Variants in TEX10 observed in about 807,000 individuals in gnomAD.
TEX10 encodes the protein testis-expressed protein 10.
In TEX10, 24 loss-of-function variants were observed where a neutral mutation model predicts 104.4. The ratio of observed to expected loss-of-function variants is 0.23; its 90% CI spans 0.17 to 0.32. The LOEUF (loss-of-function observed/expected upper bound fraction) is 0.32. Ranked by LOEUF, TEX10 falls within the 10% of genes least tolerant of loss-of-function variation. The pLI, the probability that TEX10 is intolerant of heterozygous loss-of-function variation, is 1.00. For missense variants in TEX10, 921 were observed against 1,083.9 expected (o/e 0.85, Z 2.11); for synonymous variants, 396 against 393.4 (o/e 1.01, Z -0.08).
chr9:100,313,341 CCT>C lies in TEX10; in HGVS notation c.2203-2964_2203-2963del, dbSNP rs1476235872. Among the ~76,000 whole-genome samples, 9 of 151,440 alleles carry C rather than the reference CCT, an allele frequency of 5.9e-5. No individual in the cohort carries two copies. In the South Asian group the frequency reaches 1.9e-3, roughly 32 times the overall value. The stretch of plus-strand genomic sequence containing the variant: ...ACCAGCCTGGTCAACATGGTGAAAC[CCT>C]GTCTCTACTAAATATACAAAAATTA... On this transcript the variant is annotated intron_variant, in intron 11 of 14. Transcript: ENST00000374902.
intron 5 of TEX10, among the ~76,000 whole-genome samples, chr9:100,337,552 AT>A (rs1835042540): frequency 6.6e-6 from 1 of 152,222 alleles, no homozygotes; most frequent in African/African-American, 2.4e-5. Context: ...ATCTTGCTCA[AT>A]AAAGTGTCTC....
At chr9:100,333,378 C>A (rs1834919570) in intron 5 of TEX10, among the ~76,000 whole-genome samples, 1 of 152,170 alleles carries the variant, frequency 6.6e-6, no homozygotes, top group South Asian at 2.1e-4. Flanking sequence ...AGGAATAATT[C>A]TTCCTAAACT....
chr9:100,347,170 A>C lies in TEX10; in HGVS notation c.417T>G (p.Pro139=). 1 of 1,614,120 alleles carries C rather than the reference A, an allele frequency of 6.2e-7. No individual in the cohort carries two copies. Among genetic ancestry groups the C allele is most frequent in the African/African-American group, 1.3e-5 (1 of 75,054 alleles). Residue 139 remains proline, a synonymous_variant, in exon 3 of 15, where the codon CCT becomes CCG. Transcript: ENST00000374902. ...CACTAGAGAGATGGGCACTTACCAAAGGAAAAAATGGAGAAATTTGTTCAG... is the reference window on the plus strand; with the variant it reads ...CACTAGAGAGATGGGCACTTACCAACGGAAAAAATGGAGAAATTTGTTCAG... ...IRAEQISPFF[P]LVSAHLSSAM...
At chr9:100,330,327 G>A (rs548874143) in intron 5 of TEX10, among the ~76,000 whole-genome samples, 158 bp from the exon 6 acceptor site, 4 of 152,326 alleles carry the variant, frequency 2.6e-5, no homozygotes, top group Admixed American at 2.6e-4. Flanking sequence ...TTAGGCCACA[G>A]TTCTATAAAT....
chr9:100,330,812 ATG>A (rs1471492690), intron 5 of TEX10, among the ~76,000 whole-genome samples: 4 of 152,234 alleles, frequency 2.6e-5, no homozygotes, highest in African/African-American at 9.6e-5. Flanking sequence ...TATTTCTTTC[ATG>A]TTTAGAAAAA....
At chr9:100,332,126 G>A (rs1243462450) in intron 5 of TEX10, among the ~76,000 whole-genome samples, 1 of 152,222 alleles carries the variant, frequency 6.6e-6, no homozygotes, top group African/African-American at 2.4e-5. Context: ...GACACTGGAA[G>A]AAGTCTGAGC....
intron 11 of TEX10, among the ~76,000 whole-genome samples, chr9:100,318,730 G>C (rs376021475): frequency 6.6e-6 from 1 of 152,174 alleles, no homozygotes; most frequent in South Asian, 2.1e-4. Context: ...AGACAATTTT[G>C]CCTATTAGGG....
At chr9:100,317,392 A>G (rs1834447831) in intron 11 of TEX10, among the ~76,000 whole-genome samples, 1 of 152,190 alleles carries the variant, frequency 6.6e-6, no homozygotes, top group Admixed American at 6.5e-5. Context: ...ACTACACTGG[A>G]GATAGGACAA....
intron 10 of TEX10, among the ~76,000 whole-genome samples, chr9:100,320,599 A>G (rs908418868): frequency 2.6e-5 from 4 of 152,248 alleles, no homozygotes; most frequent in Non-Finnish European, 4.4e-5. Flanking sequence ...TAATTATATA[A>G]AAGATGTGAT....
intron 11 of TEX10, among the ~76,000 whole-genome samples, chr9:100,318,741 C>A (rs1190008165): frequency 6.6e-6 from 1 of 152,146 alleles, no homozygotes; most frequent in African/African-American, 2.4e-5. Flanking sequence ...CCTATTAGGG[C>A]AAAAGATCAG....
chr9:100,347,504 C>A, intron 2 of TEX10, 98 bp from the exon 3 acceptor site: 1 of 845,144 alleles, frequency 1.2e-6, no homozygotes. Flanking sequence ...ACTGACACTC[C>A]TTGGGGAAAC....
chr9:100,347,732 G>A (rs1835335260), intron 2 of TEX10, among the ~76,000 whole-genome samples: 1 of 152,082 alleles, frequency 6.6e-6, no homozygotes, highest in South Asian at 2.1e-4. Context: ...CATGGAAGGT[G>A]TATATATATA....
Position 100,346,075 on chromosome 9 carries a change from T to G in TEX10, c.1134A>C (p.Lys378Asn). The G allele has an allele frequency of 2.5e-6, 4 of 1,610,384 alleles. No homozygotes were observed. Among genetic ancestry groups the G allele is most frequent in the Non-Finnish European group, 2.5e-6 (3 of 1,178,310 alleles). Reference sequence around the variant, plus strand: ...ATAAAGAACCATTAGTTCTCACCAATTTATGGGTTTCATCCTGTTGTTTAG... The same window carrying G: ...ATAAAGAACCATTAGTTCTCACCAAGTTATGGGTTTCATCCTGTTGTTTAG... The part of the protein sequence containing the change: ...KLSKQQDETH[K>N]LESWLRKNYL... The change falls in exon 4 of 15, where the codon AAA becomes AAC. Residue 378 changes from lysine to asparagine, a missense_variant. Physicochemically the swap from Lys to Asn is moderately conservative, Grantham distance 94 (BLOSUM62 0). Transcript: ENST00000374902.
intron 1 of TEX10, among the ~76,000 whole-genome samples, chr9:100,351,580 A>G (rs1044124870): frequency 6.6e-6 from 1 of 152,128 alleles, no homozygotes; most frequent in African/African-American, 2.4e-5. Flanking sequence ...CATTCAGAAA[A>G]ATTAACTCCC....
chr9:100,327,183 T>G (rs892617635), intron 8 of TEX10, among the ~76,000 whole-genome samples: 4 of 152,066 alleles, frequency 2.6e-5, no homozygotes, highest in Non-Finnish European at 5.9e-5. Flanking sequence ...AAGAAAGGAA[T>G]AAGGATGAAC....
intron 14 of TEX10, among the ~76,000 whole-genome samples, chr9:100,302,983 G>A (rs10124893): frequency 0.45 from 67,102 of 149,816 alleles, 16,711 homozygotes; most frequent in East Asian, 0.89. Flanking sequence ...AGCTGTCCCG[G>A]CCAAACAGAC....
At position 100,346,947 on chromosome 9, in the gene TEX10, G is replaced by A. The variant is rs367688251; in HGVS notation, c.640C>T (p.Pro214Ser). 1 of 1,614,174 alleles carries A rather than the reference G, an allele frequency of 6.2e-7. No homozygotes were observed. The highest frequency in any genetic ancestry group is 2.2e-5 in the East Asian group (1 of 44,882). ...TGCTGAGAAGTGAGTCTCCGATTAGGATTTACAGAAAGTATCCAGGACTGG... is the reference window on the plus strand; with the variant it reads ...TGCTGAGAAGTGAGTCTCCGATTAGAATTTACAGAAAGTATCCAGGACTGG... ...RSQSWILSVN[P>S]NRRLTSQQWR... The change falls in exon 3 of 15, where the codon CCT becomes TCT. Residue 214 changes from proline to serine, a missense_variant. Transcript: ENST00000374902.
chr9:100,302,937 C>G (rs35491546), intron 14 of TEX10, among the ~76,000 whole-genome samples: 10 of 112,862 alleles, frequency 8.9e-5, no homozygotes, highest in Middle Eastern at 3.7e-3. Flanking sequence ...CGCCCCCCCC[C>G]CAAACTAAAA....
At chr9:100,306,793 G>C (rs1450545564) in intron 13 of TEX10, 1 of 152,146 alleles carries the variant, frequency 6.6e-6, no homozygotes, top group Non-Finnish European at 1.5e-5. Flanking sequence ...ATTTTAAACA[G>C]GCAAACAAGT....
Sources: gnomAD v4.1 joint callset for allele counts (sites outside exome capture counted in the v4.1 genomes callset) on GRCh38, gnomAD v4.1.1 for gene constraint, MANE v1.5 for transcripts, NCBI Gene and HGNC (gene_info 2026-07-23, HGNC 2026-07-21) for gene names.